The following CMTM8 variants were observed in gnomAD, a reference collection of about 807,000 sequenced individuals.
CMTM8 encodes the protein CKLF like MARVEL transmembrane domain containing 8.
Under a neutral mutation model 18.6 loss-of-function variants are expected in CMTM8, and 12 were observed. The ratio of observed to expected loss-of-function variants is 0.65; its 90% CI spans 0.41 to 1.05. The LOEUF is 1.05. CMTM8 is among the 50% of genes least tolerant of loss of function. The pLI, the probability that CMTM8 is intolerant of heterozygous loss-of-function variation, is 0.00. For missense variants in CMTM8, 217 were observed against 227.2 expected (o/e 0.95, Z 0.29); for synonymous variants, 87 against 90.6 (o/e 0.96, Z 0.23).
In CMTM8 at chr3:32,367,905, T is replaced by A. The variant is rs777722589; in HGVS notation, c.355T>A (p.Tyr119Asn). Reference sequence around the variant, plus strand: ...CTTTAACGGCAGTGCCTTCGTCTTGTACCTCTCTGCCGCTGTTGTAGATGC... The same window carrying A: ...CTTTAACGGCAGTGCCTTCGTCTTGAACCTCTCTGCCGCTGTTGTAGATGC... ...LCFNGSAFVL[Y>N]LSAAVVDASS... Residue 119 changes from tyrosine to asparagine, a missense_variant, in exon 3 of 4, where the codon TAC becomes AAC. Physicochemically the swap from Tyr to Asn is moderately radical, Grantham distance 143. Transcript: ENST00000307526. 3.9e-5 allele frequency: 63 copies of A among 1,614,004 alleles called. No homozygotes were observed. The highest frequency in any genetic ancestry group is 5.1e-5 in the Non-Finnish European group (60 of 1,179,984).
chr3:32,336,005 C>T (rs186653096), intron 1 of CMTM8, among the ~76,000 whole-genome samples: 155 of 152,286 alleles, frequency 1.0e-3, no homozygotes, highest in African/African-American at 3.3e-3. Flanking sequence ...TCCAGGGCAG[C>T]GACTCTCAGC....
intron 1 of CMTM8, among the ~76,000 whole-genome samples, chr3:32,293,077 G>GTGTGTATATATA (rs148004069): frequency 6.9e-6 from 1 of 145,778 alleles, no homozygotes; most frequent in Admixed American, 6.9e-5. Flanking sequence ...ATATGTGTGT[G>GTGTGTATATATA]TATATATATA....
intron 1 of CMTM8, among the ~76,000 whole-genome samples, chr3:32,261,585 G>A (rs1702259365): frequency 6.6e-6 from 1 of 152,122 alleles, no homozygotes; most frequent in Admixed American, 6.5e-5. Flanking sequence ...ACTGTTTCTA[G>A]GAAGGTGCCC....
At position 32,319,078 on chromosome 3, in the gene CMTM8, T is replaced by A. The variant is rs200910431; in HGVS notation, c.148-38295T>A. On this transcript the variant is annotated intron_variant, in intron 1 of 3. Coordinates refer to ENST00000307526, the MANE Select transcript of CMTM8 (RefSeq NM_178868.5). ...TATACATATATATATATATATATTT[T>A]TTTTTTTTTTTTTTTTTGAGACAGA... 3.2e-3 allele frequency among the ~76,000 whole-genome samples: 130 copies of A among 40,146 alleles called. 1 individual carries two copies. The highest frequency in any genetic ancestry group is 9.9e-3 in the East Asian group (8 of 806). The allele number at this position is 40,146 out of a possible 152,430, so 26.3% of individuals were successfully genotyped here.
intron 2 of CMTM8, among the ~76,000 whole-genome samples, chr3:32,361,956 C>A (rs1214756631): frequency 6.6e-6 from 1 of 152,124 alleles, no homozygotes; most frequent in Non-Finnish European, 1.5e-5. Context: ...TGTAGCTCAT[C>A]CCTGCTGACC....
chr3:32,344,330 A>G (rs1222152783), intron 1 of CMTM8, among the ~76,000 whole-genome samples: 2 of 152,210 alleles, frequency 1.3e-5, no homozygotes, highest in African/African-American at 4.8e-5. Flanking sequence ...TTTCAAGGCT[A>G]GAGTACATTT....
chr3:32,265,911 T>C (rs1328085384), intron 1 of CMTM8, among the ~76,000 whole-genome samples: 2 of 151,762 alleles, frequency 1.3e-5, no homozygotes, highest in African/African-American at 2.4e-5. Context: ...CAGGAAGAAG[T>C]TGAATCTCTG....
In CMTM8 at chr3:32,329,068, TC is replaced by T. The variant is rs575726405; in HGVS notation, c.148-28304del. The stretch of plus-strand genomic sequence containing the variant: ...ACTACAAACCAATATCAATATTGAT[TC>T]AAAAAAAAATTTTTTTTTTCCAATA... On this transcript the variant is annotated intron_variant, in intron 1 of 3. Coordinates refer to ENST00000307526, the MANE Select transcript of CMTM8 (RefSeq NM_178868.5). 3.2e-3 allele frequency among the ~76,000 whole-genome samples: 483 copies of T among 152,294 alleles called. 6 individuals carry two copies. Among genetic ancestry groups the T allele is most frequent in the Admixed American group, 5.4e-3 (82 of 15,300 alleles).
chr3:32,308,837 A>G (rs763281755), intron 1 of CMTM8, among the ~76,000 whole-genome samples: 1 of 152,196 alleles, frequency 6.6e-6, no homozygotes, highest in Non-Finnish European at 1.5e-5. Flanking sequence ...ATAAGGTGGT[A>G]ACATCTCTAG....
chr3:32,340,173 G>C (rs1404593813), intron 1 of CMTM8, among the ~76,000 whole-genome samples: 1 of 152,170 alleles, frequency 6.6e-6, no homozygotes, highest in Non-Finnish European at 1.5e-5. Flanking sequence ...CCACCTCTGT[G>C]CAAGGCGTTG....
At chr3:32,318,370 C>T (rs1354099366) in intron 1 of CMTM8, among the ~76,000 whole-genome samples, 1 of 152,006 alleles carries the variant, frequency 6.6e-6, no homozygotes, top group Non-Finnish European at 1.5e-5. Flanking sequence ...AGAAGGAATT[C>T]AACCCACCCT....
At chr3:32,278,774 G>A (rs1032806461) in intron 1 of CMTM8, among the ~76,000 whole-genome samples, 46 of 152,274 alleles carry the variant, frequency 3.0e-4, no homozygotes, top group African/African-American at 1.1e-3. Flanking sequence ...ACAGCACTGG[G>A]TACATAACAG....
intron 1 of CMTM8, among the ~76,000 whole-genome samples, chr3:32,321,578 T>C (rs2125577808): frequency 6.6e-6 from 1 of 152,256 alleles, no homozygotes; most frequent in African/African-American, 2.4e-5. Flanking sequence ...GGGAACCAGA[T>C]CATGCCTGCT....
At position 32,370,051 on chromosome 3, in the gene CMTM8, G is replaced by T. The variant is rs1695618155; in HGVS notation, c.*84G>T. On this transcript the variant is annotated 3_prime_UTR_variant, in exon 4 of 4. Transcript: ENST00000307526. The stretch of plus-strand genomic sequence containing the variant: ...TGTAGGTATAATGTATATTCCCAGA[G>T]AATTGTATTTAACTAATTAATGTTT... 2 of 727,978 alleles carry T rather than the reference G, an allele frequency of 2.7e-6. No individual in the cohort carries two copies. Among genetic ancestry groups the T allele is most frequent in the Non-Finnish European group, 2.2e-6 (1 of 449,756 alleles). The allele number at this position is 727,978 out of a possible 1,614,324, so 45.1% of individuals were successfully genotyped here.
chr3:32,314,418 C>G (rs1479988012), intron 1 of CMTM8, among the ~76,000 whole-genome samples: 1 of 151,898 alleles, frequency 6.6e-6, no homozygotes, highest in Non-Finnish European at 1.5e-5. Context: ...GCCCTTCAGA[C>G]ACCAGGGGTG....
chr3:32,309,300 A>T (rs959666674), intron 1 of CMTM8, among the ~76,000 whole-genome samples: 3 of 96,436 alleles, frequency 3.1e-5, no homozygotes, highest in African/African-American at 8.3e-5. Flanking sequence ...CAATTTACCA[A>T]TTTTTTTTTT....
intron 1 of CMTM8, among the ~76,000 whole-genome samples, chr3:32,252,132 A>C (rs1702119182): frequency 6.6e-6 from 1 of 152,200 alleles, no homozygotes; most frequent in Admixed American, 6.5e-5. Context: ...AATTTTAAGA[A>C]GTCTTTTTGT....
chr3:32,244,493 T>G (rs1440787256), intron 1 of CMTM8, among the ~76,000 whole-genome samples: 1 of 152,256 alleles, frequency 6.6e-6, no homozygotes, highest in Non-Finnish European at 1.5e-5. Flanking sequence ...GAAGATTTTT[T>G]GTTTAATTCG....
chr3:32,261,115 G>C (rs897060042), intron 1 of CMTM8, among the ~76,000 whole-genome samples: 2 of 151,608 alleles, frequency 1.3e-5, no homozygotes, highest in Non-Finnish European at 2.9e-5. Context: ...CCAGACACTT[G>C]GGAGGCTGAG....
Sources: gnomAD v4.1 joint callset for allele counts (sites outside exome capture counted in the v4.1 genomes callset) on GRCh38, gnomAD v4.1.1 for gene constraint, MANE v1.5 for transcripts, NCBI Gene and HGNC (gene_info 2026-07-23, HGNC 2026-07-21) for gene names.